Variants in OSBPL5 observed in about 807,000 individuals in gnomAD.
OSBPL5 encodes the protein oxysterol binding protein like 5, also known as oxysterol-binding protein-related protein 5.
OSBPL5 carries 71 observed loss-of-function variants against 111.2 expected under a neutral mutation model. The ratio of observed to expected loss-of-function variants is 0.64; its 90% CI spans 0.53 to 0.78. OSBPL5 has a LOEUF of 0.78. OSBPL5 is among the 30% of genes least tolerant of loss of function. The pLI is 0.00. For synonymous variants in OSBPL5, 549 were observed against 513.9 expected (o/e 1.07, Z -0.93); for missense variants, 1,210 against 1,189.3 (o/e 1.02, Z -0.26).
rs561393044 is a variant in OSBPL5 at position 3,130,290 on chromosome 11, A to G, written c.-21-1121T>C. 5.4e-4 allele frequency among the ~76,000 whole-genome samples: 82 copies of G among 152,248 alleles called. 1 individual carries two copies. Among genetic ancestry groups the G allele is most frequent in the Admixed American group, 2.9e-3 (44 of 15,298 alleles). On this transcript the variant is annotated intron_variant, in intron 1 of 21. Coordinates refer to ENST00000263650, the MANE Select transcript of OSBPL5 (RefSeq NM_020896.4). This position sits in a 1 kb window ranked among gnomAD's most constrained non-coding sequence, Gnocchi z 4.5. ...CGAGCTCCTTAAAAACTACTGGTCA[A>G]TTTTCCTCCTTTCCCAATTTTCTGG... is the stretch of plus-strand genomic sequence containing the variant.
Position 3,122,023 on chromosome 11 carries a change from C to G in OSBPL5, c.376G>C (p.Val126Leu), listed in dbSNP as rs377626825. 2 of 1,577,900 alleles carry G rather than the reference C, an allele frequency of 1.3e-6. No individual in the cohort carries two copies. ...TTCAGGCTGTCAGCCATGATGACCA[C>G]GCTGGGGTCTGTCAGAGCGCTGAGC... Reference protein sequence around the residue: ...QLLSALTDPSVVIMADSLKIR... With the variant: ...QLLSALTDPSLVIMADSLKIR... The change falls in exon 5 of 22, where the codon GTG becomes CTG. Residue 126 changes from valine (V) to leucine (L), a missense_variant. Coordinates refer to ENST00000263650, the MANE Select transcript of OSBPL5 (RefSeq NM_020896.4).
At chr11:3,135,123 C>A (rs928827201) in intron 1 of OSBPL5, among the ~76,000 whole-genome samples, 1 of 152,246 alleles carries the variant, frequency 6.6e-6, no homozygotes, top group Non-Finnish European at 1.5e-5. Flanking sequence ...AGCAGCTGAC[C>A]GCCCCCGTGC....
Position 3,162,891 on chromosome 11 carries a change from C to T in OSBPL5, c.-22+2325G>A, listed in dbSNP as rs1327814337. ...GGAGGCCAGTGGCCCTCACTTGTAC[C>T]CCCCAACATCTACCCCCCAGCACAC... On this transcript the variant is annotated intron_variant, in intron 1 of 21. Transcript: ENST00000263650. The surrounding 1 kb of genome is among the most constrained non-coding windows in gnomAD (Gnocchi z 8.1). Among the ~76,000 whole-genome samples, 1 of 151,994 alleles carries T rather than the reference C, an allele frequency of 6.6e-6. No individual in the cohort carries two copies. The highest frequency in any genetic ancestry group is 6.6e-5 in the Admixed American group (1 of 15,266).
Position 3,113,621 on chromosome 11 carries a change from T to C in OSBPL5, c.692-5676A>G, listed in dbSNP as rs1434872673. 6.6e-6 allele frequency among the ~76,000 whole-genome samples: 1 copy of C among 151,580 alleles called. No individual in the cohort carries two copies. The highest frequency in any genetic ancestry group is 2.4e-5 in the African/African-American group (1 of 41,184). ...GTGAGCCAAGATCGCACCACTGCAC[T>C]CCAGCCTGGGAGACTAGAGCAAGAC... On this transcript the variant is annotated intron_variant, in intron 7 of 21. Coordinates refer to ENST00000263650, the MANE Select transcript of OSBPL5 (RefSeq NM_020896.4). This position sits in a 1 kb window ranked among gnomAD's most constrained non-coding sequence, Gnocchi z 4.8.
rs1354352246 is a variant in OSBPL5, at chr11:3,103,705, T to A, written c.1245-385A>T. On this transcript the variant is annotated intron_variant, in intron 10 of 21. Coordinates refer to ENST00000263650, the MANE Select transcript of OSBPL5 (RefSeq NM_020896.4). ...CTCTGCAGCCCCCTTCCAGCCTGCG[T>A]ACCCCCTTCCAGGCTCTGCTGCCCC... 1.2e-4 allele frequency among the ~76,000 whole-genome samples: 12 copies of A among 104,042 alleles called. 2 individuals are homozygous for A. The highest frequency in any genetic ancestry group is 1.5e-4 in the Non-Finnish European group (8 of 52,398). The allele number at this position is 104,042 out of a possible 152,430, so 68.3% of individuals were successfully genotyped here. A position where few individuals can be genotyped will look rare whatever the true frequency, so the allele number is the denominator to read the frequency against.
intron 1 of OSBPL5, among the ~76,000 whole-genome samples, chr11:3,136,374 G>A (rs562015181): frequency 6.6e-6 from 1 of 152,252 alleles, no homozygotes; most frequent in Non-Finnish European, 1.5e-5. Flanking sequence ...AGGCCACATA[G>A]AGCCATCAGC....
rs1858796348 is a variant in OSBPL5 at position 3,130,726 on chromosome 11, C to A, written c.-21-1557G>T. On this transcript the variant is annotated intron_variant, in intron 1 of 21. Coordinates refer to ENST00000263650, the MANE Select transcript of OSBPL5 (RefSeq NM_020896.4). The surrounding 1 kb of genome is among the most constrained non-coding windows in gnomAD (Gnocchi z 4.5). ...CGTCCTTAAGCCAGGTGGAACCGATCCTAAAACCCAGCCGCTGAGTGTCTG... is the reference window on the plus strand; with the variant it reads ...CGTCCTTAAGCCAGGTGGAACCGATACTAAAACCCAGCCGCTGAGTGTCTG... 6.6e-6 allele frequency among the ~76,000 whole-genome samples: 1 copy of A among 152,338 alleles called. No individual in the cohort carries two copies. Among genetic ancestry groups the A allele is most frequent in the East Asian group, 1.9e-4 (1 of 5,188 alleles).
At chr11:3,151,428 C>T (rs1846581701) in intron 1 of OSBPL5, among the ~76,000 whole-genome samples, 1 of 152,184 alleles carries the variant, frequency 6.6e-6, no homozygotes, top group South Asian at 2.1e-4. Context: ...CATGAAGAAA[C>T]TGCAGAAAAG....
chr11:3,099,412 C>G (rs887911485), intron 14 of OSBPL5, among the ~76,000 whole-genome samples: 6 of 152,098 alleles, frequency 3.9e-5, no homozygotes, highest in African/African-American at 4.8e-5. Context: ...ATTGGCTCAT[C>G]GATGATACCA....
chr11:3,104,685 C>G lies in OSBPL5; in HGVS notation c.1060-308G>C, dbSNP rs1214680601. On this transcript the variant is annotated intron_variant, in intron 9 of 21. Transcript: ENST00000263650. The surrounding 1 kb of genome is among the most constrained non-coding windows in gnomAD (Gnocchi z 5.0). ...CCAGGGTGCAGCCTCCCAACACCTG[C>G]TGTTGAAACCTGTCTGTGCATCGTG... 6.6e-6 allele frequency among the ~76,000 whole-genome samples: 1 copy of G among 152,206 alleles called. No homozygotes were observed. Among genetic ancestry groups the G allele is most frequent in the African/African-American group, 2.4e-5 (1 of 41,462 alleles).
chr11:3,098,434 T>G (rs968381916), intron 14 of OSBPL5, among the ~76,000 whole-genome samples: 7 of 146,954 alleles, frequency 4.8e-5, no homozygotes, highest in African/African-American at 1.8e-4. Context: ...AACAAAAACC[T>G]TCAATCAGCA....
chr11:3,105,421 C>T lies in OSBPL5; in HGVS notation c.1060-1044G>A, dbSNP rs972545290. ...TGGACACCCAGGAGCCATGTCTGAC[C>T]CCATGAGGGGTCATGGGGAGCCCAG... On this transcript the variant is annotated intron_variant, in intron 9 of 21. Transcript: ENST00000263650. The surrounding 1 kb of genome is among the most constrained non-coding windows in gnomAD (Gnocchi z 5.2). Among the ~76,000 whole-genome samples the T allele has an allele frequency of 6.6e-6, 1 of 152,148 alleles. No homozygotes were observed. Among genetic ancestry groups the T allele is most frequent in the Non-Finnish European group, 1.5e-5 (1 of 68,020 alleles).
chr11:3,108,064 C>A lies in OSBPL5; in HGVS notation c.692-119G>T, dbSNP rs1020963349. 16 of 1,326,608 alleles carry A rather than the reference C, an allele frequency of 1.2e-5. No individual in the cohort carries two copies. In the African/African-American group the frequency reaches 1.6e-4, roughly 13 times the overall value. 82.2% of individuals were successfully genotyped at this position (1,326,608 alleles called of 1,614,324 possible). ...TCTTCAGGGACCCACCCCCTCCATC[C>A]CAGACCCACCCCTGGCCCTGCCCCA... On this transcript the variant is annotated intron_variant, in intron 7 of 21. Coordinates refer to ENST00000263650, the MANE Select transcript of OSBPL5 (RefSeq NM_020896.4).
rs574369394 is a variant in OSBPL5 at position 3,143,648 on chromosome 11, A to G, written c.-21-14479T>C. Among the ~76,000 whole-genome samples the G allele has an allele frequency of 8.5e-5, 13 of 152,340 alleles. No homozygotes were observed. The South Asian group carries it at 2.7e-3, about 32-fold the overall frequency. On this transcript the variant is annotated intron_variant, in intron 1 of 21. Coordinates refer to ENST00000263650, the MANE Select transcript of OSBPL5 (RefSeq NM_020896.4). ...CTTCCACGCCCACGCAGTGTCCAGG[A>G]CGGGCAGGTCTGGACACGGAACGCA...
chr11:3,146,446 G>A lies in OSBPL5; in HGVS notation c.-21-17277C>T, dbSNP rs977621431. Reference sequence around the variant, plus strand: ...TACCTCTGAGAGTGGGGGACGGAGAGAATGCAGGTGGAGATTCTGGCCTGA... The same window carrying A: ...TACCTCTGAGAGTGGGGGACGGAGAAAATGCAGGTGGAGATTCTGGCCTGA... On this transcript the variant is annotated intron_variant, in intron 1 of 21. Coordinates refer to ENST00000263650, the MANE Select transcript of OSBPL5 (RefSeq NM_020896.4). The surrounding 1 kb of genome is among the most constrained non-coding windows in gnomAD (Gnocchi z 7.8). The A allele has an allele frequency of 6.6e-6, 1 of 152,456 alleles. No individual in the cohort carries two copies. Among genetic ancestry groups the A allele is most frequent in the Non-Finnish European group, 1.5e-5 (1 of 68,250 alleles). 9.4% of individuals were successfully genotyped at this position (152,456 alleles called of 1,614,324 possible).
chr11:3,110,040 GC>G lies in OSBPL5; in HGVS notation c.692-2096del, dbSNP rs1361037588. ...AGCACAGAGGCTGTGGGCTGCCCTG[GC>G]CATCCCCGGGCCTGCATGGGACCTG... On this transcript the variant is annotated intron_variant, in intron 7 of 21. Coordinates refer to ENST00000263650, the MANE Select transcript of OSBPL5 (RefSeq NM_020896.4). This position sits in a 1 kb window ranked among gnomAD's most constrained non-coding sequence, Gnocchi z 5.3. 5.9e-5 allele frequency among the ~76,000 whole-genome samples: 9 copies of G among 152,152 alleles called. No homozygotes were observed. The highest frequency in any genetic ancestry group is 2.2e-4 in the African/African-American group (9 of 41,438).
chr11:3,139,288 G>A (rs1316995243), intron 1 of OSBPL5, among the ~76,000 whole-genome samples: 8 of 149,360 alleles, frequency 5.4e-5, no homozygotes, highest in Admixed American at 6.7e-5. Flanking sequence ...TGTGCGGGAC[G>A]GGTGGCCCCG....
At chr11:3,096,087 T>C (rs903686473) in intron 14 of OSBPL5, among the ~76,000 whole-genome samples, 3 of 152,028 alleles carry the variant, frequency 2.0e-5, no homozygotes, top group African/African-American at 7.2e-5. Context: ...AAATGAGTAA[T>C]ACTCTGCAAG....
rs989269151 is a variant in OSBPL5, at chr11:3,106,298, C to T, written c.1059+965G>A. ...TTCCCCTTTCCTGCTGAAACCGGGA[C>T]TGCCCCTTGCCCTCAGTGACAGCCA... On this transcript the variant is annotated intron_variant, in intron 9 of 21. Coordinates refer to ENST00000263650, the MANE Select transcript of OSBPL5 (RefSeq NM_020896.4). This position sits in a 1 kb window ranked among gnomAD's most constrained non-coding sequence, Gnocchi z 8.4. Among the ~76,000 whole-genome samples the T allele has an allele frequency of 2.0e-4, 30 of 152,292 alleles. No individual in the cohort carries two copies. Among genetic ancestry groups the T allele is most frequent in the African/African-American group, 7.0e-4 (29 of 41,558 alleles).
Sources: allele counts gnomAD v4.1 joint callset (sites outside exome capture counted in the v4.1 genomes callset), GRCh38; gene constraint gnomAD v4.1.1; non-coding constraint Gnocchi (gnomAD v3.1); transcripts MANE v1.5; gene names NCBI Gene and HGNC (gene_info 2026-07-23, HGNC 2026-07-21).